Variants in TAPT1 observed in about 807,000 individuals in gnomAD.
The protein encoded by TAPT1 is transmembrane anterior posterior transformation 1, also known as transmembrane anterior posterior transformation protein 1 homolog.
In TAPT1, 28 loss-of-function variants were observed where a neutral mutation model predicts 65.6. That is an observed-to-expected ratio of 0.43 (90% confidence interval 0.32 to 0.59). The LOEUF (loss-of-function observed/expected upper bound fraction) is 0.59. TAPT1 is among the 20% of genes least tolerant of loss of function. TAPT1 has a pLI of 0.09. For missense variants in TAPT1, 563 were observed against 679.9 expected (o/e 0.83, Z 1.91); for synonymous variants, 278 against 245.2 (o/e 1.13, Z -1.25).
chr4:16,215,309 T>A (rs1750874631), intron 1 of TAPT1, among the ~76,000 whole-genome samples: 3 of 151,536 alleles, frequency 2.0e-5, no homozygotes, highest in African/African-American at 7.3e-5. Flanking sequence ...AACAACAAAA[T>A]ATATATATAT....
intron 7 of TAPT1, among the ~76,000 whole-genome samples, chr4:16,184,088 G>A (rs1748864948): frequency 6.6e-6 from 1 of 152,180 alleles, no homozygotes; most frequent in South Asian, 2.1e-4. Context: ...ATTATGTGAT[G>A]AGTTCTGATC....
At chr4:16,183,087 G>A (rs2149684104) in intron 7 of TAPT1, 1 of 152,314 alleles carries the variant, frequency 6.6e-6, no homozygotes, top group South Asian at 2.1e-4. Context: ...TGAAGCATAT[G>A]AAGAAGGCAA....
chr4:16,195,111 T>C (rs1480555622), intron 3 of TAPT1, among the ~76,000 whole-genome samples: 1 of 152,234 alleles, frequency 6.6e-6, no homozygotes, highest in Non-Finnish European at 1.5e-5. Context: ...TAAGGTGGCA[T>C]CTTAAAAGAC....
chr4:16,208,874 C>CT (rs1750491292), intron 2 of TAPT1, among the ~76,000 whole-genome samples: 1 of 152,106 alleles, frequency 6.6e-6, no homozygotes, highest in Non-Finnish European at 1.5e-5. Flanking sequence ...TAGCCTATCT[C>CT]TTTTTTTGAG....
At chr4:16,192,735 T>C (rs1443407081) in intron 3 of TAPT1, among the ~76,000 whole-genome samples, 1 of 152,222 alleles carries the variant, frequency 6.6e-6, no homozygotes, top group African/African-American at 2.4e-5. Flanking sequence ...TTTGTCAGCT[T>C]TTATGCATAG....
At chr4:16,221,517 CT>C (rs1348643743) in intron 1 of TAPT1, among the ~76,000 whole-genome samples, 3 of 152,120 alleles carry the variant, frequency 2.0e-5, no homozygotes, top group Non-Finnish European at 2.9e-5. Flanking sequence ...GTATAAATTG[CT>C]TTTTCTTCAC....
upstream of TAPT1, chr4:16,227,173 A>G: frequency 2.2e-6 from 1 of 455,772 alleles, no homozygotes. Context: ...GCAGCTTCAC[A>G]ACAGGTGGGG....
intron 11 of TAPT1, among the ~76,000 whole-genome samples, chr4:16,172,695 T>C (rs1009841093): frequency 6.6e-6 from 1 of 152,238 alleles, no homozygotes; most frequent in Non-Finnish European, 1.5e-5. Context: ...GAAGCTGGTC[T>C]AAAACATAGC....
intron 1 of TAPT1, among the ~76,000 whole-genome samples, chr4:16,222,960 G>C (rs1325828727): frequency 6.6e-6 from 1 of 152,140 alleles, no homozygotes; most frequent in Non-Finnish European, 1.5e-5. Context: ...CTATCCCCAT[G>C]CATCTCCAAC....
intron 3 of TAPT1, among the ~76,000 whole-genome samples, chr4:16,194,862 T>TTCC (rs1553831159): frequency 1.1e-4 from 2 of 17,472 alleles, no homozygotes; most frequent in Admixed American, 8.2e-4. Flanking sequence ...GATTTCTGTC[T>TTCC]TCTTCTTCTT....
chr4:16,182,777 T>G (rs887103899), intron 7 of TAPT1: 2 of 152,152 alleles, frequency 1.3e-5, no homozygotes, highest in Non-Finnish European at 2.9e-5. Flanking sequence ...TATGTTAAAA[T>G]GAAGTGAAGA....
chr4:16,218,249 C>A (rs561793645), intron 1 of TAPT1, among the ~76,000 whole-genome samples: 5 of 152,132 alleles, frequency 3.3e-5, no homozygotes, highest in African/African-American at 1.2e-4. Flanking sequence ...ACTAAAAATA[C>A]AAAAAATTAG....
chr4:16,210,452 G>A (rs1303940925), intron 2 of TAPT1, among the ~76,000 whole-genome samples: 1 of 152,092 alleles, frequency 6.6e-6, no homozygotes, highest in Non-Finnish European at 1.5e-5. Context: ...TGTAATCGGG[G>A]ACAAGCAACC....
chr4:16,219,854 T>C (rs1336870305), intron 1 of TAPT1, among the ~76,000 whole-genome samples: 1 of 152,150 alleles, frequency 6.6e-6, no homozygotes, highest in African/African-American at 2.4e-5. Flanking sequence ...AAGTGACAAA[T>C]TGGGAATAGT....
chr4:16,186,634 A>G (rs1429842165), intron 6 of TAPT1, 30 bp from the exon 7 acceptor site: 1 of 1,465,674 alleles, frequency 6.8e-7, no homozygotes. Flanking sequence ...TACCATCTTT[A>G]TGATTATAAC....
intron 2 of TAPT1, among the ~76,000 whole-genome samples, chr4:16,209,625 G>C (rs1750545343): frequency 6.6e-6 from 1 of 152,102 alleles, no homozygotes; most frequent in Admixed American, 6.5e-5. Flanking sequence ...ACTGTTCCTA[G>C]GGGACCTAAA....
upstream of TAPT1, chr4:16,226,575 A>G (rs1578498565): frequency 3.2e-6 from 2 of 633,132 alleles, no homozygotes; most frequent in Non-Finnish European, 3.9e-6. Context: ...CGCCGCCGCC[A>G]TCCGCGGCCC....
intron 12 of TAPT1, among the ~76,000 whole-genome samples, chr4:16,168,352 C>T (rs1307069163): frequency 5.3e-5 from 8 of 152,122 alleles, no homozygotes; most frequent in Non-Finnish European, 8.8e-5. Flanking sequence ...TCAAGCAATC[C>T]TCCCACCCAG....
chr4:16,204,828 C>G (rs896036068), intron 2 of TAPT1, among the ~76,000 whole-genome samples: 8 of 152,356 alleles, frequency 5.3e-5, no homozygotes, highest in Non-Finnish European at 1.0e-4. Context: ...ATGACACTTT[C>G]ACTCATCCTT....
Sources: allele counts gnomAD v4.1 joint callset (sites outside exome capture counted in the v4.1 genomes callset), GRCh38; gene constraint gnomAD v4.1.1; transcripts MANE v1.5; gene names NCBI Gene and HGNC (gene_info 2026-07-23, HGNC 2026-07-21).